The following ABCC9 variants were observed in gnomAD, a reference collection of about 807,000 sequenced individuals.
ABCC9 encodes the protein ATP-binding cassette sub-family C member 9.
ABCC9 carries 95 observed loss-of-function variants against 188.3 expected under a neutral mutation model. The observed-to-expected ratio is 0.50, with a 90% CI of 0.43 to 0.60. The LOEUF (loss-of-function observed/expected upper bound fraction) is 0.60. Ranked by LOEUF, ABCC9 falls within the 20% of genes least tolerant of loss-of-function variation. The pLI, the probability that ABCC9 is intolerant of heterozygous loss-of-function variation, is 0.00. For missense variants in ABCC9, 1,102 were observed against 1,876.3 expected, an observed-to-expected ratio of 0.59 and a Z score of 7.62; for synonymous variants, 659 against 652.7, an observed-to-expected ratio of 1.01 and a Z score of -0.15.
At chr12:21,816,522 G>A (rs567769376) in intron 33 of ABCC9, among the ~76,000 whole-genome samples, 2 of 152,226 alleles carry the variant, frequency 1.3e-5, no homozygotes, top group South Asian at 4.1e-4. Flanking sequence ...GGGAGATGGG[G>A]AAATTTATTT....
chr12:21,935,081 A>T (rs545075455), intron 3 of ABCC9, among the ~76,000 whole-genome samples: 1 of 152,116 alleles, frequency 6.6e-6, no homozygotes, highest in East Asian at 1.9e-4. Context: ...TCCCTTTAAC[A>T]ATGTCCCCTC....
chr12:21,806,168 C>T, intron 38 of ABCC9, 108 bp from the exon 39 acceptor site: 1 of 983,938 alleles, frequency 1.0e-6, no homozygotes, highest in Admixed American at 2.0e-5. Context: ...CATTCTCAAT[C>T]CCTCATTTTC....
intron 31 of ABCC9, among the ~76,000 whole-genome samples, chr12:21,823,991 A>G (rs1943205229): frequency 6.6e-6 from 1 of 152,216 alleles, no homozygotes. Context: ...CCAATTCAAA[A>G]TGAATATGAT....
At chr12:21,808,795 A>T (rs550995105) in intron 37 of ABCC9, among the ~76,000 whole-genome samples, 2 of 151,540 alleles carry the variant, frequency 1.3e-5, no homozygotes, top group Non-Finnish European at 2.9e-5. Context: ...AAAAAAAAAA[A>T]AAAAGAAAAA....
At chr12:21,805,922 T>C (rs1265699419) in intron 39 of ABCC9, 76 bp downstream of exon 39, 2 of 1,359,218 alleles carry the variant, frequency 1.5e-6, no homozygotes, top group Admixed American at 1.7e-5. Flanking sequence ...CAAGTATATT[T>C]TGCTAAAACC....
At chr12:21,887,978 C>T (rs1414405197) in intron 14 of ABCC9, 44 bp from the exon 15 acceptor site, 1 of 1,424,344 alleles carries the variant, frequency 7.0e-7, no homozygotes, top group African/African-American at 1.4e-5. Flanking sequence ...ACAATAAAAC[C>T]ACCACCAACA....
intron 3 of ABCC9, among the ~76,000 whole-genome samples, chr12:21,934,638 T>G (rs978063908): frequency 1.3e-5 from 2 of 152,094 alleles, no homozygotes; most frequent in Admixed American, 6.5e-5. Context: ...CTAGGTCATG[T>G]AGAGTAATAC....
At chr12:21,801,288 G>T in intron 39 of ABCC9, 107 bp from the exon 40 acceptor site, 1 of 1,418,648 alleles carries the variant, frequency 7.0e-7, no homozygotes, top group Non-Finnish European at 9.8e-7. Flanking sequence ...GTTTATCTTG[G>T]TGAGTGACAA....
At chr12:21,849,386 T>C (rs1379750788) in intron 24 of ABCC9, among the ~76,000 whole-genome samples, 1 of 152,188 alleles carries the variant, frequency 6.6e-6, no homozygotes, top group African/African-American at 2.4e-5. Flanking sequence ...ATCCCATTTT[T>C]ACAGAGAGTT....
In ABCC9 at chr12:21,859,658, G is replaced by A. The variant is rs1459298907; in HGVS notation, c.2433C>T (p.Asn811=). The change falls in exon 22 of 40, where the codon AAC becomes AAT. Residue 811 remains asparagine, a synonymous_variant. Transcript: ENST00000261200. ...TTCTCTGCCTCTGTCCCCCACTCAGGTTGATGCCCTAGAGAAGAGACACCC... is the reference window on the plus strand; with the variant it reads ...TTCTCTGCCTCTGTCCCCCACTCAGATTGATGCCCTAGAGAAGAGACACCC... ...DQTEIGERGI[N]LSGGQRQRIC... The A allele has an allele frequency of 1.2e-6, 2 of 1,613,760 alleles. No individual in the cohort carries two copies. Among genetic ancestry groups the A allele is most frequent in the South Asian group, 1.1e-5 (1 of 91,070 alleles).
At chr12:21,837,997 G>A (rs1225039238) in intron 30 of ABCC9, 81 bp downstream of exon 30, 5 of 1,148,600 alleles carry the variant, frequency 4.4e-6, no homozygotes, top group Middle Eastern at 2.5e-4. Flanking sequence ...CAAAATGAAA[G>A]CAATGATCAG....
chr12:21,901,965 C>T (rs1322485215), intron 12 of ABCC9, among the ~76,000 whole-genome samples: 1 of 152,228 alleles, frequency 6.6e-6, no homozygotes, highest in Non-Finnish European at 1.5e-5. Context: ...AAATAGACAT[C>T]TACAGAACTC....
At chr12:21,915,470 GTGTATATA>G (rs1350730206) in intron 7 of ABCC9, among the ~76,000 whole-genome samples, 190 bp downstream of exon 7, 1,349 of 8,370 alleles carry the variant, frequency 0.16, 91 homozygotes, top group East Asian at 0.25. Flanking sequence ...GTATATGTGT[GTGTATATA>G]TGTGTGTGTG....
Position 21,865,246 on chromosome 12 carries a change from A to T in ABCC9, c.2199-769T>A, listed in dbSNP as rs1055114942. 2.0e-5 allele frequency among the ~76,000 whole-genome samples: 3 copies of T among 152,102 alleles called. No homozygotes were observed. In the East Asian group the frequency reaches 5.8e-4, roughly 29 times the overall value. On this transcript the variant is annotated intron_variant, in intron 18 of 39. Transcript: ENST00000261200. ...AATTGATTCTATTTGACTTTGCAAA[A>T]TGTTGTATGTTTTTGTGGAGAAAAT...
intron 39 of ABCC9, among the ~76,000 whole-genome samples, chr12:21,801,478 T>C (rs763937059): frequency 2.0e-5 from 3 of 152,210 alleles, no homozygotes; most frequent in African/African-American, 4.8e-5. Context: ...TAAAATTGTT[T>C]ATCGAGTAAT....
At chr12:21,857,037 A>C (rs759989822) in intron 22 of ABCC9, among the ~76,000 whole-genome samples, 6 of 152,188 alleles carry the variant, frequency 3.9e-5, no homozygotes, top group Non-Finnish European at 7.3e-5. Flanking sequence ...ATTTTTAAAC[A>C]ATGGAAATGT....
At chr12:21,809,039 T>C (rs2137128309) in intron 37 of ABCC9, among the ~76,000 whole-genome samples, 1 of 152,252 alleles carries the variant, frequency 6.6e-6, no homozygotes, top group East Asian at 1.9e-4. Flanking sequence ...AAAAACTAGA[T>C]GCCAAACACC....
In ABCC9 at chr12:21,894,024, G is replaced by A. The variant is rs2137737621; in HGVS notation, c.1802+8C>T. ...TAAGCAAAAAATGCCAGACACTTCA[G>A]TGCATACCTTATGATGGCTTTGACT... is the stretch of plus-strand genomic sequence containing the variant. On this transcript the variant is annotated splice_region_variant and intron_variant, in intron 14 of 39. Transcript: ENST00000261200. The A allele has an allele frequency of 6.2e-7, 1 of 1,613,814 alleles. No individual in the cohort carries two copies. Among genetic ancestry groups the A allele is most frequent in the Admixed American group, 1.7e-5 (1 of 59,908 alleles).
chr12:21,874,682 A>G (rs1313443917), intron 17 of ABCC9, among the ~76,000 whole-genome samples: 1 of 152,206 alleles, frequency 6.6e-6, no homozygotes, highest in Admixed American at 6.5e-5. Context: ...TCAGTGTTAT[A>G]AAAAGAAGGA....
Sources: allele counts gnomAD v4.1 joint callset (sites outside exome capture counted in the v4.1 genomes callset), GRCh38; gene constraint gnomAD v4.1.1; transcripts MANE v1.5; gene names NCBI Gene and HGNC (gene_info 2026-07-23, HGNC 2026-07-21).